Variants in FYTTD1 observed in about 807,000 individuals in gnomAD.
The protein encoded by FYTTD1 is UAP56-interacting factor.
In FYTTD1, 22 loss-of-function variants were observed where a neutral mutation model predicts 40.9. That is an observed-to-expected ratio of 0.54 (90% CI 0.38 to 0.77). The LOEUF (loss-of-function observed/expected upper bound fraction) is 0.77, where lower values mean the gene tolerates loss of function less well. Among genes scored for constraint, FYTTD1 ranks in the 30% least tolerant of loss-of-function variants. The probability of loss-of-function intolerance (pLI) is 0.00; values close to 1 mark genes in which losing one functional copy is unlikely to be tolerated. For missense variants in FYTTD1, 351 were observed against 392.2 expected, an observed-to-expected ratio of 0.90 and a Z score of 0.89; for synonymous variants, 140 against 137.9, an observed-to-expected ratio of 1.01 and a Z score of -0.10.
rs1380979813 is a variant in FYTTD1 at position 197,783,313 on chromosome 3, C to T, written c.*1404C>T. 6.6e-6 allele frequency: 1 copy of T among 152,544 alleles called. No individual in the cohort carries two copies. Among genetic ancestry groups the T allele is most frequent in the African/African-American group, 2.4e-5 (1 of 41,404 alleles). 9.4% of individuals were successfully genotyped at this position (152,544 alleles called of 1,614,324 possible). ...AACATCTAAATAGGTGTTAGTTTCT[C>T]AGGAGTAGATTGTTAGTGTTGACTT... On this transcript the variant is annotated 3_prime_UTR_variant, in exon 9 of 9. Transcript: ENST00000241502.
chr3:197,773,321 T>TTAG (rs1729772908), intron 4 of FYTTD1, 82 bp from the exon 5 acceptor site: 1 of 766,628 alleles, frequency 1.3e-6, no homozygotes, highest in African/African-American at 1.8e-5. Context: ...AGCCTATGAA[T>TTAG]TTAACTATTT....
chr3:197,765,799 A>G (rs1729526125), intron 2 of FYTTD1, among the ~76,000 whole-genome samples: 2 of 152,052 alleles, frequency 1.3e-5, no homozygotes, highest in South Asian at 2.1e-4. Context: ...GATCAAGACT[A>G]TCCTGGCTAA....
At chr3:197,760,197 A>G (rs1223102000) in intron 2 of FYTTD1, among the ~76,000 whole-genome samples, 3 of 146,448 alleles carry the variant, frequency 2.0e-5, no homozygotes, top group Non-Finnish European at 3.0e-5. Flanking sequence ...GAACATATCG[A>G]GTTGTTCCTC....
At chr3:197,754,602 C>G (rs1407003115) in intron 1 of FYTTD1, among the ~76,000 whole-genome samples, 1 of 148,612 alleles carries the variant, frequency 6.7e-6, no homozygotes, top group African/African-American at 2.5e-5. Context: ...TTTGCTTTCT[C>G]AATTATGAAA....
chr3:197,778,835 A>G (rs1729946672), intron 8 of FYTTD1, among the ~76,000 whole-genome samples: 1 of 152,212 alleles, frequency 6.6e-6, no homozygotes, highest in African/African-American at 2.4e-5. Context: ...TAGGAATAAT[A>G]CTGCTCTGAG....
chr3:197,773,785 C>T (rs538238006), intron 5 of FYTTD1, among the ~76,000 whole-genome samples: 3 of 152,330 alleles, frequency 2.0e-5, no homozygotes, highest in Non-Finnish European at 2.9e-5. Flanking sequence ...GCCAGAATAG[C>T]GTGGGCCCCT....
intron 6 of FYTTD1, 131 bp downstream of exon 6, chr3:197,774,341 A>G (rs1289531331): frequency 4.0e-6 from 3 of 741,422 alleles, no homozygotes; most frequent in Non-Finnish European, 6.8e-6. Context: ...AAAGCTGGGC[A>G]TAGTGGTGCT....
intron 6 of FYTTD1, among the ~76,000 whole-genome samples, 165 bp downstream of exon 6, chr3:197,774,375 TG>T (rs1237892012): frequency 6.6e-6 from 1 of 152,232 alleles, no homozygotes; most frequent in Non-Finnish European, 1.5e-5. Context: ...CCCAGCTAGT[TG>T]GGAGACTGAA....
intron 2 of FYTTD1, among the ~76,000 whole-genome samples, chr3:197,766,964 G>C (rs1729568279): frequency 6.6e-6 from 1 of 152,158 alleles, no homozygotes; most frequent in African/African-American, 2.4e-5. Context: ...AAGACAGAAT[G>C]TCAGTGGTCA....
chr3:197,774,101 C>T (rs901836519), intron 5 of FYTTD1, 48 bp from the exon 6 acceptor site: 8 of 1,524,670 alleles, frequency 5.2e-6, no homozygotes, highest in Non-Finnish European at 7.3e-6. Flanking sequence ...TCTTTGGATT[C>T]AAATCCTCTG....
chr3:197,779,375 A>G (rs189176813), intron 8 of FYTTD1, among the ~76,000 whole-genome samples: 4 of 151,796 alleles, frequency 2.6e-5, no homozygotes, highest in African/African-American at 4.8e-5. Context: ...AGATCGTGCC[A>G]CTCACTCCAG....
intron 1 of FYTTD1, among the ~76,000 whole-genome samples, chr3:197,754,554 T>C (rs1216449163): frequency 6.6e-6 from 1 of 152,178 alleles, no homozygotes; most frequent in Non-Finnish European, 1.5e-5. Context: ...TAGAGTTTTA[T>C]TAAGAATTTG....
rs552013850 is a variant in FYTTD1, at chr3:197,760,294, G to A, written c.235+3737G>A. The stretch of plus-strand genomic sequence containing the variant: ...AGAAGGTACAGAGTTGTTCTTTAGC[G>A]GTAGAATGTATGGAGTGTTCTTCAG... On this transcript the variant is annotated intron_variant, in intron 2 of 8. Transcript: ENST00000241502. 3.3e-5 allele frequency among the ~76,000 whole-genome samples: 5 copies of A among 152,240 alleles called. No homozygotes were observed. The East Asian group carries it at 5.8e-4, about 18-fold the overall frequency.
Position 197,784,017 on chromosome 3 carries a change from C to G in FYTTD1, c.*2108C>G, listed in dbSNP as rs1205773407. On this transcript the variant is annotated 3_prime_UTR_variant, in exon 9 of 9. Transcript: ENST00000241502. ...GGTCACATATTGTATATAAACAAAACAATATGCTTTGTTGAAGGAAAATTT... is the reference window on the plus strand; with the variant it reads ...GGTCACATATTGTATATAAACAAAAGAATATGCTTTGTTGAAGGAAAATTT... 3 of 152,348 alleles carry G rather than the reference C, an allele frequency of 2.0e-5. No homozygotes were observed. The highest frequency in any genetic ancestry group is 4.4e-5 in the Non-Finnish European group (3 of 67,966). The allele number at this position is 152,348 out of a possible 1,614,324, so 9.4% of individuals were successfully genotyped here.
intron 6 of FYTTD1, among the ~76,000 whole-genome samples, chr3:197,774,914 A>G (rs563487510): frequency 1.4e-3 from 211 of 152,384 alleles, no homozygotes; most frequent in Admixed American, 4.9e-3. Flanking sequence ...ATTTTTAAAC[A>G]TTGAGGCTAA....
rs184565775 is a variant in FYTTD1 at position 197,754,033 on chromosome 3, C to A, written c.104-2393C>A. On this transcript the variant is annotated intron_variant, in intron 1 of 8. Coordinates refer to ENST00000241502, the MANE Select transcript of FYTTD1 (RefSeq NM_032288.7). ...GGGATTACAGGCGTGAGCTACCGCACCCGGCCTATATGCTATATTTTAAGA... is the reference window on the plus strand; with the variant it reads ...GGGATTACAGGCGTGAGCTACCGCAACCGGCCTATATGCTATATTTTAAGA... 5.1e-3 allele frequency among the ~76,000 whole-genome samples: 776 copies of A among 152,296 alleles called. 8 individuals are homozygous for A. The highest frequency in any genetic ancestry group is 0.018 in the African/African-American group (729 of 41,568).
chr3:197,752,662 G>A (rs1321897726), intron 1 of FYTTD1, among the ~76,000 whole-genome samples: 1 of 151,544 alleles, frequency 6.6e-6, no homozygotes, highest in Admixed American at 6.6e-5. Flanking sequence ...ATATGTGTAT[G>A]TATATATGGC....
chr3:197,751,963 C>T (rs1729071836), intron 1 of FYTTD1, among the ~76,000 whole-genome samples: 1 of 147,804 alleles, frequency 6.8e-6, no homozygotes, highest in South Asian at 2.2e-4. Context: ...CCTCCGCCTC[C>T]CGGGTTCCAG....
intron 1 of FYTTD1, chr3:197,750,655 C>G: frequency 1.0e-6 from 1 of 985,402 alleles, no homozygotes; most frequent in South Asian, 4.7e-5. Context: ...GGCCCCGGAG[C>G]GTCTGTCAGA....
Sources: gnomAD v4.1 joint callset for allele counts (sites outside exome capture counted in the v4.1 genomes callset) on GRCh38, gnomAD v4.1.1 for gene constraint, MANE v1.5 for transcripts, NCBI Gene and HGNC (gene_info 2026-07-23, HGNC 2026-07-21) for gene names.